The following KCNIP4 variants were observed in gnomAD, a reference collection of about 807,000 sequenced individuals.
The protein encoded by KCNIP4 is Kv channel-interacting protein 4.
Under a neutral mutation model 34.0 loss-of-function variants are expected in KCNIP4, and 12 were observed. That is an observed-to-expected ratio of 0.35 (90% CI 0.23 to 0.57). The LOEUF (loss-of-function observed/expected upper bound fraction) is 0.57. KCNIP4 is among the 20% of genes least tolerant of loss of function. The pLI is 0.83. For missense variants in KCNIP4, 238 were observed against 311.7 expected (o/e 0.76, Z 1.78); for synonymous variants, 124 against 102.2 (o/e 1.21, Z -1.29).
At chr4:20,918,575 A>G (rs916843765) in intron 1 of KCNIP4, among the ~76,000 whole-genome samples, 1 of 152,160 alleles carries the variant, frequency 6.6e-6, no homozygotes, top group African/African-American at 2.4e-5. Context: ...ACACATAATT[A>G]AGAAATTCCT....
chr4:21,646,327 T>A (rs973810006), intron 1 of KCNIP4, among the ~76,000 whole-genome samples: 4 of 152,272 alleles, frequency 2.6e-5, no homozygotes, highest in South Asian at 4.1e-4. Context: ...TTTCTTGCTA[T>A]CCTATTAAAT....
chr4:21,849,773 A>G (rs1466444058), intron 1 of KCNIP4: 1 of 152,170 alleles, frequency 6.6e-6, no homozygotes. Flanking sequence ...ATGCACAGCA[A>G]AAGAATTCAG....
At chr4:21,702,326 A>G (rs1225345638) in intron 1 of KCNIP4, among the ~76,000 whole-genome samples, 1 of 152,132 alleles carries the variant, frequency 6.6e-6, no homozygotes, top group East Asian at 1.9e-4. Flanking sequence ...TGAGCACACT[A>G]TCCTCATGAC....
In KCNIP4 at chr4:21,901,577, T is replaced by A. The variant is rs185715034; in HGVS notation, c.61+46994A>T. 9.2e-5 allele frequency among the ~76,000 whole-genome samples: 14 copies of A among 152,282 alleles called. No homozygotes were observed. In the East Asian group the frequency reaches 2.3e-3, roughly 25 times the overall value. The stretch of plus-strand genomic sequence containing the variant: ...AGAGGTAAAGTGGGGGCTGGAATTA[T>A]GGGTGATTTTTTATTCTCTTCTACA... On this transcript the variant is annotated intron_variant, in intron 1 of 8. Transcript: ENST00000382152.
chr4:21,489,024 G>GT (rs1732147474), intron 1 of KCNIP4, among the ~76,000 whole-genome samples: 1 of 152,058 alleles, frequency 6.6e-6, no homozygotes, highest in Non-Finnish European at 1.5e-5. Context: ...ATTGAAGAAT[G>GT]TTTTTTACGA....
chr4:21,481,786 T>A (rs28620482), intron 1 of KCNIP4, among the ~76,000 whole-genome samples: 25 of 152,274 alleles, frequency 1.6e-4, no homozygotes, highest in African/African-American at 5.5e-4. Context: ...CATGCCTATC[T>A]GCTTATGCAC....
rs138108675 is a variant in KCNIP4, at chr4:20,809,140, G to T, written c.288+41403C>A. The stretch of plus-strand genomic sequence containing the variant: ...AGACTTTCAGAGGTGACAAACTCAT[G>T]CTCATTTATTTAGTTGCCTAATTTC... On this transcript the variant is annotated intron_variant, in intron 3 of 8. Coordinates refer to ENST00000382152, the MANE Select transcript of KCNIP4 (RefSeq NM_025221.6). Among the ~76,000 whole-genome samples the T allele has an allele frequency of 6.0e-3, 915 of 152,232 alleles. 3 individuals carry two copies. The highest frequency in any genetic ancestry group is 9.9e-3 in the Non-Finnish European group (676 of 68,012).
intron 1 of KCNIP4, among the ~76,000 whole-genome samples, chr4:21,169,943 A>T (rs1753897042): frequency 6.6e-6 from 1 of 152,144 alleles, no homozygotes; most frequent in South Asian, 2.1e-4. Context: ...TATAATGCCC[A>T]CACATGTTTA....
At chr4:21,822,644 T>C (rs1360821196) in intron 1 of KCNIP4, among the ~76,000 whole-genome samples, 1 of 152,080 alleles carries the variant, frequency 6.6e-6, no homozygotes, top group Admixed American at 6.6e-5. Context: ...TTATGTATAT[T>C]TAAACAGATA....
At chr4:21,330,780 T>A (rs1253795212) in intron 1 of KCNIP4, among the ~76,000 whole-genome samples, 1 of 152,152 alleles carries the variant, frequency 6.6e-6, no homozygotes, top group Non-Finnish European at 1.5e-5. Flanking sequence ...CTCTTGCAAA[T>A]GAATTTTAGC....
chr4:21,085,515 CA>C (rs201860491), intron 1 of KCNIP4, among the ~76,000 whole-genome samples: 2,972 of 152,140 alleles, frequency 0.02, 54 homozygotes, highest in Non-Finnish European at 0.026. Context: ...TTGAAATCAC[CA>C]GACAATTTCC....
At chr4:21,610,691 T>C (rs1158857902) in intron 1 of KCNIP4, among the ~76,000 whole-genome samples, 10 of 152,144 alleles carry the variant, frequency 6.6e-5, no homozygotes, top group Admixed American at 5.9e-4. Context: ...TACATTTTCA[T>C]ACTGCTACAA....
rs180805572 is a variant in KCNIP4, at chr4:20,780,247, C to T, written c.289-21357G>A. On this transcript the variant is annotated intron_variant, in intron 3 of 8. Transcript: ENST00000382152. ...GTTGTGGTCAAAAGGGTGAGACCAT[C>T]ATTTAGGATGTCAGGAATTAAGTAG... Among the ~76,000 whole-genome samples, 211 of 152,198 alleles carry T rather than the reference C, an allele frequency of 1.4e-3. No homozygotes were observed. The Middle Eastern group carries it at 0.024, about 17-fold the overall frequency.
At chr4:21,428,476 A>C (rs1726125586) in intron 1 of KCNIP4, among the ~76,000 whole-genome samples, 1 of 152,198 alleles carries the variant, frequency 6.6e-6, no homozygotes, top group Non-Finnish European at 1.5e-5. Flanking sequence ...TACTTTGGCC[A>C]GCATTAAAAT....
chr4:20,874,683 C>CCT (rs1723817073), intron 2 of KCNIP4, among the ~76,000 whole-genome samples: 1 of 138,434 alleles, frequency 7.2e-6, no homozygotes. Context: ...CACTTCATCT[C>CCT]TTTTTTTTTT....
At chr4:21,129,899 AAC>A (rs991154587) in intron 1 of KCNIP4, among the ~76,000 whole-genome samples, 11 of 151,778 alleles carry the variant, frequency 7.2e-5, no homozygotes, top group African/African-American at 2.2e-4. Flanking sequence ...TAAAAAAAAA[AAC>A]AGTGTGAATG....
chr4:21,090,507 C>T (rs1746902565), intron 1 of KCNIP4, among the ~76,000 whole-genome samples: 1 of 152,172 alleles, frequency 6.6e-6, no homozygotes. Flanking sequence ...GATACACCTG[C>T]CTTCTAAAGA....
intron 1 of KCNIP4, among the ~76,000 whole-genome samples, chr4:21,274,849 GCTTCAAA>G (rs1226685356): frequency 2.0e-5 from 3 of 151,910 alleles, no homozygotes; most frequent in African/African-American, 7.2e-5. Context: ...AGGGTATCTT[GCTTCAAA>G]CTCACTATGA....
At chr4:21,077,450 TA>T (rs1244812600) in intron 1 of KCNIP4, among the ~76,000 whole-genome samples, 1 of 152,170 alleles carries the variant, frequency 6.6e-6, no homozygotes, top group Admixed American at 6.6e-5. Flanking sequence ...GTCTTTTTAC[TA>T]ACTCATAAGA....
Sources: allele counts gnomAD v4.1 joint callset (sites outside exome capture counted in the v4.1 genomes callset), GRCh38; gene constraint gnomAD v4.1.1; transcripts MANE v1.5; gene names NCBI Gene and HGNC (gene_info 2026-07-23, HGNC 2026-07-21).